TEAD1: variants seen among roughly 807,000 people sequenced by gnomAD.
TEAD1 encodes TEA domain transcription factor 1, also known as transcriptional enhancer factor TEF-1.
Under a neutral mutation model 54.9 loss-of-function variants are expected in TEAD1, and 9 were observed. The ratio of observed to expected loss-of-function variants is 0.16; its 90% confidence interval spans 0.10 to 0.29. The LOEUF (loss-of-function observed/expected upper bound fraction) is 0.29, where lower values mean the gene tolerates loss of function less well. Among genes scored for constraint, TEAD1 ranks in the 10% least tolerant of loss-of-function variants. The pLI, the probability that TEAD1 is intolerant of heterozygous loss-of-function variation, is 1.00. For synonymous variants in TEAD1, 200 were observed against 187.8 expected (o/e 1.07, Z -0.53); for missense variants, 387 against 535.9 (o/e 0.72, Z 2.74).
In TEAD1 at chr11:12,883,091, C is replaced by T; in HGVS notation, c.665C>T (p.Ser222Leu). 6.2e-7 allele frequency: 1 copy of T among 1,614,158 alleles called. No individual in the cohort carries two copies. Among genetic ancestry groups the T allele is most frequent in the South Asian group, 1.1e-5 (1 of 91,082 alleles). ...ACCAAGCTTCGCCTGGTGGAATTTT[C>T]AGCTTTTCTCGAGCAGCAGCGAGAC... is the stretch of plus-strand genomic sequence containing the variant. The change falls in exon 9 of 13, where the codon TCA becomes TTA. Residue 222 changes from serine (S) to leucine (L), a missense_variant. Ser to Leu is a moderately radical substitution (Grantham distance 145, BLOSUM62 -2). Transcript: ENST00000527636.
At chr11:12,711,380 CTTT>C (rs778106701) in intron 2 of TEAD1, among the ~76,000 whole-genome samples, 22 of 152,196 alleles carry the variant, frequency 1.4e-4, no homozygotes, top group Non-Finnish European at 2.9e-4. Flanking sequence ...TCTAATGCCA[CTTT>C]AAGATGTTCT....
chr11:12,734,470 T>C (rs1490236727), intron 2 of TEAD1, among the ~76,000 whole-genome samples: 1 of 152,236 alleles, frequency 6.6e-6, no homozygotes, highest in South Asian at 2.1e-4. Context: ...TTATAAAGTC[T>C]ACAGTAGCGT....
At chr11:12,933,885 A>G (rs1016708839) in intron 12 of TEAD1, among the ~76,000 whole-genome samples, 3 of 152,216 alleles carry the variant, frequency 2.0e-5, no homozygotes, top group Non-Finnish European at 2.9e-5. Flanking sequence ...GTCAGGAAAC[A>G]ACAGGTCCTG....
At chr11:12,779,342 G>A (rs1043664137) in intron 3 of TEAD1, among the ~76,000 whole-genome samples, 3 of 152,130 alleles carry the variant, frequency 2.0e-5, no homozygotes, top group Admixed American at 1.3e-4. Flanking sequence ...GATTTATAAG[G>A]GGCTTATTAG....
chr11:12,765,423 A>G (rs1945187486), intron 3 of TEAD1, among the ~76,000 whole-genome samples: 2 of 152,342 alleles, frequency 1.3e-5, no homozygotes, highest in South Asian at 4.1e-4. Flanking sequence ...AACCTCAAAG[A>G]GAACTGGCTC....
intron 3 of TEAD1, among the ~76,000 whole-genome samples, chr11:12,792,070 A>G (rs903760157): frequency 3.3e-5 from 5 of 152,182 alleles, no homozygotes; most frequent in African/African-American, 1.2e-4. Context: ...CTGCAGGGTG[A>G]TGGACATTGG....
intron 2 of TEAD1, among the ~76,000 whole-genome samples, chr11:12,716,367 C>T (rs747730963): frequency 1.3e-5 from 2 of 152,102 alleles, no homozygotes; most frequent in Non-Finnish European, 2.9e-5. Context: ...GGAGAGCACC[C>T]TTTTTCTGCT....
chr11:12,901,734 C>T (rs1948429314), intron 9 of TEAD1, among the ~76,000 whole-genome samples: 2 of 151,966 alleles, frequency 1.3e-5, no homozygotes, highest in Admixed American at 1.3e-4. Flanking sequence ...AAATATATGC[C>T]CTTGTCAGTA....
At chr11:12,767,787 C>T (rs538599002) in intron 3 of TEAD1, among the ~76,000 whole-genome samples, 2 of 152,268 alleles carry the variant, frequency 1.3e-5, no homozygotes, top group South Asian at 4.2e-4. Context: ...GTCCTTTGAC[C>T]TGGTTCCTAA....
chr11:12,833,806 C>G (rs1034271836), intron 3 of TEAD1, among the ~76,000 whole-genome samples: 1 of 152,020 alleles, frequency 6.6e-6, no homozygotes, highest in African/African-American at 2.4e-5. Context: ...TTTAATTAGT[C>G]ATTTTATAGA....
intron 2 of TEAD1, among the ~76,000 whole-genome samples, chr11:12,748,636 C>T (rs890321334): frequency 1.3e-5 from 2 of 152,102 alleles, no homozygotes; most frequent in Admixed American, 1.3e-4. Flanking sequence ...TCCTGGGATT[C>T]TGATTCAGGA....
At chr11:12,812,530 C>A (rs942090802) in intron 3 of TEAD1, among the ~76,000 whole-genome samples, 1 of 152,090 alleles carries the variant, frequency 6.6e-6, no homozygotes, top group African/African-American at 2.4e-5. Flanking sequence ...GGGACAGATT[C>A]ACATTGACAC....
chr11:12,756,301 G>A (rs967271348), intron 2 of TEAD1, among the ~76,000 whole-genome samples: 3 of 152,194 alleles, frequency 2.0e-5, no homozygotes, highest in African/African-American at 7.2e-5. Context: ...TGTGGCACAT[G>A]TTGCCTCAGT....
chr11:12,748,111 G>A (rs901953050), intron 2 of TEAD1, among the ~76,000 whole-genome samples: 3 of 152,046 alleles, frequency 2.0e-5, no homozygotes, highest in Non-Finnish European at 2.9e-5. Flanking sequence ...ACAGGCACCC[G>A]TCACCACGCC....
At chr11:12,677,393 T>A (rs1489881527) in intron 2 of TEAD1, among the ~76,000 whole-genome samples, 1 of 152,026 alleles carries the variant, frequency 6.6e-6, no homozygotes, top group Non-Finnish European at 1.5e-5. Flanking sequence ...GGCTTCCTCC[T>A]CCCTTTCCCA....
At chr11:12,908,711 A>T (rs1342589193) in intron 10 of TEAD1, among the ~76,000 whole-genome samples, 1 of 152,188 alleles carries the variant, frequency 6.6e-6, no homozygotes, top group Non-Finnish European at 1.5e-5. Flanking sequence ...ATAACATTCT[A>T]GACAGTTGGG....
intron 9 of TEAD1, among the ~76,000 whole-genome samples, chr11:12,893,758 A>G (rs1448361210): frequency 3.3e-5 from 5 of 152,142 alleles, no homozygotes; most frequent in East Asian, 1.9e-4. Context: ...CTTGTTTCCA[A>G]TGATGTTTCT....
At chr11:12,865,112 T>C in intron 5 of TEAD1, 1 of 629,380 alleles carries the variant, frequency 1.6e-6, no homozygotes, top group Non-Finnish European at 2.9e-6. Context: ...TGTTTGCGTG[T>C]GTGTGTGCGT....
At chr11:12,782,272 C>A (rs902113932) in intron 3 of TEAD1, among the ~76,000 whole-genome samples, 2 of 152,146 alleles carry the variant, frequency 1.3e-5, no homozygotes, top group Admixed American at 1.3e-4. Context: ...TATTATTTGG[C>A]AATAAAAAGG....
Sources: allele counts gnomAD v4.1 joint callset (sites outside exome capture counted in the v4.1 genomes callset), GRCh38; gene constraint gnomAD v4.1.1; transcripts MANE v1.5; gene names NCBI Gene and HGNC (gene_info 2026-07-23, HGNC 2026-07-21).